Variants in DNER observed in about 807,000 individuals in gnomAD.
The protein encoded by DNER is delta/notch like EGF repeat containing.
Under a neutral mutation model 78.2 loss-of-function variants are expected in DNER, and 33 were observed. The observed-to-expected ratio is 0.42, with a 90% CI of 0.32 to 0.56. The LOEUF is 0.56. Among genes scored for constraint, DNER ranks in the 20% least tolerant of loss-of-function variants. The pLI is 0.11. For synonymous variants in DNER, 417 were observed against 384.8 expected (o/e 1.08, Z -0.98); for missense variants, 918 against 975.3 (o/e 0.94, Z 0.78).
At chr2:229,607,533 T>C (rs1174470924) in intron 1 of DNER, among the ~76,000 whole-genome samples, 1 of 152,186 alleles carries the variant, frequency 6.6e-6, no homozygotes, top group Non-Finnish European at 1.5e-5. Flanking sequence ...CAAATTGATC[T>C]AAACACAAAT....
chr2:229,528,234 T>C (rs1005616269), intron 5 of DNER, among the ~76,000 whole-genome samples: 3 of 152,150 alleles, frequency 2.0e-5, no homozygotes, highest in African/African-American at 7.2e-5. Context: ...AGAAACTTCC[T>C]AGGATAACAG....
chr2:229,678,909 G>A (rs536779742), intron 1 of DNER, among the ~76,000 whole-genome samples: 3 of 152,310 alleles, frequency 2.0e-5, no homozygotes, highest in African/African-American at 7.2e-5. Context: ...TTCCAAGACA[G>A]ATCCACAAAG....
chr2:229,437,553 T>C (rs564680373), intron 8 of DNER, among the ~76,000 whole-genome samples: 7 of 152,232 alleles, frequency 4.6e-5, no homozygotes, highest in South Asian at 2.1e-4. Context: ...GGTGGTCTAA[T>C]TGGGACTCAG....
At chr2:229,446,924 C>A (rs1000659051) in intron 8 of DNER, among the ~76,000 whole-genome samples, 1 of 152,122 alleles carries the variant, frequency 6.6e-6, no homozygotes, top group Admixed American at 6.5e-5. Flanking sequence ...CTTAAGCACA[C>A]AATAGTAAAA....
intron 1 of DNER, among the ~76,000 whole-genome samples, chr2:229,636,230 C>T (rs543834602): frequency 6.6e-6 from 1 of 152,324 alleles, no homozygotes; most frequent in South Asian, 2.1e-4. Flanking sequence ...GCCCAATGCA[C>T]AGTTCTCCTC....
At chr2:229,488,373 T>C (rs1695322550) in intron 6 of DNER, among the ~76,000 whole-genome samples, 2 of 152,228 alleles carry the variant, frequency 1.3e-5, no homozygotes. Context: ...ATTACATTTG[T>C]ATATGTGTGT....
At chr2:229,555,118 A>C (rs1696833680) in intron 4 of DNER, among the ~76,000 whole-genome samples, 2 of 152,170 alleles carry the variant, frequency 1.3e-5, no homozygotes, top group South Asian at 4.1e-4. Context: ...TAGGAGACAA[A>C]TATCTCTTGG....
At chr2:229,707,180 ATTTTTTTTTTTT>A (rs397868353) in intron 1 of DNER, among the ~76,000 whole-genome samples, 2 of 94,610 alleles carry the variant, frequency 2.1e-5, no homozygotes, top group Admixed American at 1.4e-4. Context: ...CGGCTGGCTA[ATTTTTTTTTTTT>A]TTTTTTTTTT....
At chr2:229,607,427 G>T (rs1196688984) in intron 1 of DNER, among the ~76,000 whole-genome samples, 1 of 152,078 alleles carries the variant, frequency 6.6e-6, no homozygotes, top group Non-Finnish European at 1.5e-5. Flanking sequence ...ACTTGTTCAC[G>T]GTCCTTCAGC....
intron 1 of DNER, among the ~76,000 whole-genome samples, chr2:229,614,756 T>C (rs1414275625): frequency 6.6e-6 from 1 of 152,220 alleles, no homozygotes; most frequent in Non-Finnish European, 1.5e-5. Context: ...CTTCCTCATA[T>C]AAAATCTAAA....
intron 5 of DNER, among the ~76,000 whole-genome samples, chr2:229,526,414 T>C (rs1440587723): frequency 6.6e-6 from 1 of 152,206 alleles, no homozygotes; most frequent in Non-Finnish European, 1.5e-5. Context: ...ATTCAGGCCC[T>C]TTATACAGAG....
intron 1 of DNER, among the ~76,000 whole-genome samples, chr2:229,635,516 G>A (rs1259258930): frequency 1.3e-5 from 2 of 152,150 alleles, no homozygotes; most frequent in Non-Finnish European, 2.9e-5. Context: ...AAGTCTCAAT[G>A]TCTTTATTCC....
chr2:229,663,079 G>C (rs1699034708), intron 1 of DNER, among the ~76,000 whole-genome samples: 1 of 152,170 alleles, frequency 6.6e-6, no homozygotes, highest in Non-Finnish European at 1.5e-5. Flanking sequence ...TGCTTGATCA[G>C]TTGAACTGAA....
At chr2:229,648,613 C>T (rs559083403) in intron 1 of DNER, among the ~76,000 whole-genome samples, 2 of 152,064 alleles carry the variant, frequency 1.3e-5, no homozygotes, top group South Asian at 2.1e-4. Flanking sequence ...CAAATGACTT[C>T]GATATTTTAG....
At chr2:229,669,989 A>G (rs1699180528) in intron 1 of DNER, among the ~76,000 whole-genome samples, 1 of 152,312 alleles carries the variant, frequency 6.6e-6, no homozygotes, top group African/African-American at 2.4e-5. Context: ...AGAGAGTCGC[A>G]TCAGCATCCT....
chr2:229,673,810 C>T (rs1437753971), intron 1 of DNER, among the ~76,000 whole-genome samples: 1 of 152,226 alleles, frequency 6.6e-6, no homozygotes, highest in East Asian at 1.9e-4. Context: ...GAGTCAGTCT[C>T]CTCCCTTCCC....
At chr2:229,379,697 G>C (rs1350976609) in intron 11 of DNER, among the ~76,000 whole-genome samples, 1 of 152,072 alleles carries the variant, frequency 6.6e-6, no homozygotes, top group African/African-American at 2.4e-5. Context: ...AATGAAAACT[G>C]ATCCCATTTT....
intron 1 of DNER, among the ~76,000 whole-genome samples, chr2:229,665,037 T>C (rs1360466112): frequency 6.6e-6 from 1 of 152,190 alleles, no homozygotes; most frequent in Admixed American, 6.6e-5. Flanking sequence ...GCGGAATAGT[T>C]ACTAAGAACC....
At chr2:229,618,978 T>A (rs1698210648) in intron 1 of DNER, among the ~76,000 whole-genome samples, 1 of 152,120 alleles carries the variant, frequency 6.6e-6, no homozygotes, top group Admixed American at 6.5e-5. Context: ...CACCCACTCC[T>A]GCTGCCCATC....
Sources: allele counts gnomAD v4.1 joint callset (sites outside exome capture counted in the v4.1 genomes callset), GRCh38; gene constraint gnomAD v4.1.1; transcripts MANE v1.5; gene names NCBI Gene and HGNC (gene_info 2026-07-23, HGNC 2026-07-21).